Variants in CDH4 observed in about 807,000 individuals in gnomAD.
CDH4 encodes cadherin 4, also known as cadherin-4.
CDH4 carries 33 observed loss-of-function variants against 86.0 expected under a neutral mutation model. That is an observed-to-expected ratio of 0.38 (90% confidence interval 0.29 to 0.51). The LOEUF is 0.51. Ranked by LOEUF, CDH4 falls within the 20% of genes least tolerant of loss-of-function variation. The probability of loss-of-function intolerance (pLI) is 0.86; values close to 1 mark genes in which losing one functional copy is unlikely to be tolerated. For missense variants in CDH4, 1,114 were observed against 1,307.4 expected, an observed-to-expected ratio of 0.85 and a Z score of 2.28; for synonymous variants, 555 against 549.4, an observed-to-expected ratio of 1.01 and a Z score of -0.14.
rs2085842925 is a variant in CDH4, at chr20:61,518,575, C to T, written c.170-224988C>T. Among the ~76,000 whole-genome samples, 1 of 151,834 alleles carries T rather than the reference C, an allele frequency of 6.6e-6. No homozygotes were observed. Among genetic ancestry groups the T allele is most frequent in the Non-Finnish European group, 1.5e-5 (1 of 67,974 alleles). On this transcript the variant is annotated intron_variant, in intron 2 of 15. Coordinates refer to ENST00000614565, the MANE Select transcript of CDH4 (RefSeq NM_001794.5). This position sits in a 1 kb window ranked among gnomAD's most constrained non-coding sequence, Gnocchi z 6.3. ...ATCATCCTTCTATTTGTCATCTATC[C>T]ATCCATATATCATCCATCCATCATC... is the stretch of plus-strand genomic sequence containing the variant.
intron 2 of CDH4, among the ~76,000 whole-genome samples, chr20:61,403,441 G>A (rs2085061306): frequency 6.6e-6 from 1 of 152,114 alleles, no homozygotes. Flanking sequence ...GCTTCTCTTG[G>A]GTGGTCCTCA....
chr20:61,274,630 CGG>C (rs2084215382), intron 2 of CDH4, among the ~76,000 whole-genome samples: 1 of 100,914 alleles, frequency 9.9e-6, no homozygotes, highest in African/African-American at 3.6e-5. Flanking sequence ...TGGAGGAGTA[CGG>C]TGTGCAGTTT....
intron 2 of CDH4, among the ~76,000 whole-genome samples, chr20:61,403,597 G>C (rs557601950): frequency 4.6e-5 from 7 of 152,236 alleles, no homozygotes; most frequent in African/African-American, 1.4e-4. Context: ...AGACTAGGAC[G>C]GGACTTTTTC....
In CDH4 at chr20:61,681,850, T is replaced by G. The variant is rs888482116; in HGVS notation, c.170-61713T>G. 6.6e-6 allele frequency among the ~76,000 whole-genome samples: 1 copy of G among 151,962 alleles called. No individual in the cohort carries two copies. The highest frequency in any genetic ancestry group is 1.5e-5 in the Non-Finnish European group (1 of 67,988). On this transcript the variant is annotated intron_variant, in intron 2 of 15. Coordinates refer to ENST00000614565, the MANE Select transcript of CDH4 (RefSeq NM_001794.5). This position sits in a 1 kb window ranked among gnomAD's most constrained non-coding sequence, Gnocchi z 4.5. The stretch of plus-strand genomic sequence containing the variant: ...GCATCCCCACATTTGTCTTTGAGGG[T>G]GTGTGGTGTATACGGGAGCAAGCAG...
chr20:61,406,734 C>A (rs1600948348), intron 2 of CDH4, among the ~76,000 whole-genome samples: 1 of 144,056 alleles, frequency 6.9e-6, no homozygotes, highest in Admixed American at 7.0e-5. Context: ...GCCATCTGCT[C>A]TGCCCGGACC....
At chr20:61,367,875 T>C (rs1340703519) in intron 2 of CDH4, among the ~76,000 whole-genome samples, 1 of 148,168 alleles carries the variant, frequency 6.7e-6, no homozygotes, top group Non-Finnish European at 1.5e-5. Flanking sequence ...ATCTTTTTTT[T>C]TTTTTTTTTT....
intron 2 of CDH4, among the ~76,000 whole-genome samples, chr20:61,654,998 C>T (rs191892265): frequency 2.0e-5 from 3 of 152,376 alleles, no homozygotes; most frequent in Admixed American, 2.0e-4. Flanking sequence ...CCAGTGCTGG[C>T]TGCTGTGGGG....
At chr20:61,814,077 C>A (rs1980584901) in intron 4 of CDH4, among the ~76,000 whole-genome samples, 1 of 152,214 alleles carries the variant, frequency 6.6e-6, no homozygotes, top group Non-Finnish European at 1.5e-5. Context: ...AGGTGCCGGG[C>A]CCATGTGCAG....
chr20:61,420,841 G>A (rs984041287), intron 2 of CDH4, among the ~76,000 whole-genome samples: 2 of 152,250 alleles, frequency 1.3e-5, no homozygotes, highest in African/African-American at 4.8e-5. Context: ...TGATAGGACA[G>A]GGGTGGCCCA....
At chr20:61,876,457 G>A (rs1347878124) in intron 7 of CDH4, among the ~76,000 whole-genome samples, 3 of 152,222 alleles carry the variant, frequency 2.0e-5, no homozygotes, top group Admixed American at 1.3e-4. Context: ...TCTACTGAGC[G>A]ACCGGAGAAC....
At chr20:61,342,024 G>A (rs1169648250) in intron 2 of CDH4, among the ~76,000 whole-genome samples, 1 of 152,186 alleles carries the variant, frequency 6.6e-6, no homozygotes, top group Non-Finnish European at 1.5e-5. Flanking sequence ...TAGTGGGTGA[G>A]GCTGTTGGCA....
intron 8 of CDH4, 74 bp downstream of exon 8, chr20:61,895,121 CCT>C (rs1025312521): frequency 4.6e-6 from 7 of 1,537,294 alleles, no homozygotes; most frequent in African/African-American, 2.7e-5. Flanking sequence ...GGCACAGCCT[CCT>C]CTCTCTCTGC....
At chr20:61,644,449 T>G (rs1367144288) in intron 2 of CDH4, among the ~76,000 whole-genome samples, 1 of 152,174 alleles carries the variant, frequency 6.6e-6, no homozygotes, top group Non-Finnish European at 1.5e-5. Flanking sequence ...CATCCTGCCT[T>G]GGCCTCCCCC....
intron 10 of CDH4, among the ~76,000 whole-genome samples, chr20:61,924,114 G>A (rs997948658): frequency 1.6e-4 from 24 of 151,800 alleles, no homozygotes; most frequent in East Asian, 9.7e-4. Context: ...CTTGGTGCCC[G>A]TAGCCACTGC....
intron 2 of CDH4, among the ~76,000 whole-genome samples, chr20:61,336,692 C>T (rs2084618999): frequency 6.6e-6 from 1 of 152,168 alleles, no homozygotes. Flanking sequence ...GGGAGATTGT[C>T]AATGTAGATT....
At chr20:61,298,469 G>A (rs2084368741) in intron 2 of CDH4, among the ~76,000 whole-genome samples, 1 of 151,944 alleles carries the variant, frequency 6.6e-6, no homozygotes. Flanking sequence ...TCCTGGATTG[G>A]ATTTCTGGAA....
chr20:61,494,850 T>C (rs2085648701), intron 2 of CDH4, among the ~76,000 whole-genome samples: 1 of 152,260 alleles, frequency 6.6e-6, no homozygotes, highest in African/African-American at 2.4e-5. Context: ...TGTGATTGAG[T>C]GTGGTAGCGC....
intron 2 of CDH4, among the ~76,000 whole-genome samples, chr20:61,563,090 A>G (rs1427449947): frequency 6.6e-6 from 1 of 151,988 alleles, no homozygotes; most frequent in Non-Finnish European, 1.5e-5. Flanking sequence ...GCCCAGGCTC[A>G]GCACTGCCCA....
rs188879196 is a variant in CDH4, at chr20:61,674,055, G to A, written c.170-69508G>A. ...ACCTGTTTTTCACATGACTTGAAAG[G>A]GCTGCCTGGTTTTGGGGGTGTGCAA... On this transcript the variant is annotated intron_variant, in intron 2 of 15. Coordinates refer to ENST00000614565, the MANE Select transcript of CDH4 (RefSeq NM_001794.5). Among the ~76,000 whole-genome samples, 23 of 152,290 alleles carry A rather than the reference G, an allele frequency of 1.5e-4. No individual in the cohort carries two copies. The East Asian group carries it at 4.1e-3, about 27-fold the overall frequency.
Sources: allele counts gnomAD v4.1 joint callset (sites outside exome capture counted in the v4.1 genomes callset), GRCh38; gene constraint gnomAD v4.1.1; non-coding constraint Gnocchi (gnomAD v3.1); transcripts MANE v1.5; gene names NCBI Gene and HGNC (gene_info 2026-07-23, HGNC 2026-07-21).